The following KHDRBS2 variants were observed in gnomAD, a reference collection of about 807,000 sequenced individuals.
KHDRBS2 encodes KH domain-containing, RNA-binding, signal transduction-associated protein 2.
A neutral mutation model predicts 44.3 loss-of-function variants in KHDRBS2; 26 were observed. That is an observed-to-expected ratio of 0.59 (90% CI 0.43 to 0.81). The LOEUF (loss-of-function observed/expected upper bound fraction) is 0.81. KHDRBS2 is among the 40% of genes least tolerant of loss of function. The probability of loss-of-function intolerance (pLI) is 0.00; values close to 1 mark genes in which losing one functional copy is unlikely to be tolerated. For missense variants in KHDRBS2, 476 were observed against 433.1 expected (o/e 1.10, Z -0.88); for synonymous variants, 194 against 151.1 (o/e 1.28, Z -2.08).
chr6:61,646,981 G>A, the KHDRBS2 span, among the ~76,000 whole-genome samples: 2 of 151,794 alleles, frequency 1.3e-5, no homozygotes, highest in Non-Finnish European at 2.9e-5. Context: ...CACCATGCCC[G>A]GCTAATTTTT....
chr6:61,776,730 C>T (rs987237817), intron 6 of KHDRBS2, among the ~76,000 whole-genome samples: 5 of 152,034 alleles, frequency 3.3e-5, no homozygotes, highest in African/African-American at 9.7e-5. Context: ...GTCAGTGTGG[C>T]GATTTCTCAG....
chr6:62,020,536 G>C (rs942427756), intron 3 of KHDRBS2, among the ~76,000 whole-genome samples: 14 of 151,948 alleles, frequency 9.2e-5, no homozygotes, highest in Non-Finnish European at 2.1e-4. Flanking sequence ...TTTACTGATG[G>C]AGGGCATTTC....
chr6:62,252,293 C>T (rs1358905375), intron 1 of KHDRBS2, among the ~76,000 whole-genome samples: 1 of 151,886 alleles, frequency 6.6e-6, no homozygotes, highest in Non-Finnish European at 1.5e-5. Context: ...ATCAACATGC[C>T]AGCCAGCATC....
At chr6:62,075,220 C>T (rs1349187221) in intron 2 of KHDRBS2, among the ~76,000 whole-genome samples, 1 of 151,774 alleles carries the variant, frequency 6.6e-6, no homozygotes, top group Non-Finnish European at 1.5e-5. Context: ...GATCAGGTCA[C>T]GAGGGACACA....
At chr6:61,922,197 C>A (rs76402155) in intron 4 of KHDRBS2, among the ~76,000 whole-genome samples, 10,205 of 151,768 alleles carry the variant, frequency 0.067, 411 homozygotes, top group Middle Eastern at 0.13. Context: ...CTGAGTCAAG[C>A]AAAAAAGTGG....
intron 7 of KHDRBS2, among the ~76,000 whole-genome samples, chr6:61,720,525 C>T (rs940068636): frequency 2.1e-4 from 32 of 152,102 alleles, no homozygotes; most frequent in Non-Finnish European, 2.4e-4. Flanking sequence ...TCTCTGATGG[C>T]CAGTGATGGT....
chr6:61,602,489 G>A, the KHDRBS2 span, among the ~76,000 whole-genome samples: 1 of 152,088 alleles, frequency 6.6e-6, no homozygotes. Context: ...AACTCACCTG[G>A]CAGCCACTCC....
At chr6:61,965,596 A>C (rs902272030) in intron 4 of KHDRBS2, among the ~76,000 whole-genome samples, 26 of 152,010 alleles carry the variant, frequency 1.7e-4, no homozygotes, top group African/African-American at 5.8e-4. Flanking sequence ...TATTCTAAGA[A>C]GAGTCACTCT....
intron 2 of KHDRBS2, among the ~76,000 whole-genome samples, chr6:62,091,811 T>A (rs1004203084): frequency 6.6e-6 from 1 of 152,208 alleles, no homozygotes; most frequent in African/African-American, 2.4e-5. Context: ...TACTGTTGTT[T>A]GTTGAACTAT....
At chr6:61,555,315 C>G in the KHDRBS2 span, among the ~76,000 whole-genome samples, 2 of 152,068 alleles carry the variant, frequency 1.3e-5, no homozygotes, top group African/African-American at 4.8e-5. Flanking sequence ...ATACTTGCAA[C>G]CGTATTCTGA....
At chr6:61,577,617 C>G in the KHDRBS2 span, among the ~76,000 whole-genome samples, 2 of 152,004 alleles carry the variant, frequency 1.3e-5, no homozygotes, top group Non-Finnish European at 2.9e-5. Flanking sequence ...CAAATTATGA[C>G]TTTTCAGCAA....
At chr6:62,255,352 T>C (rs1353345914) in intron 1 of KHDRBS2, among the ~76,000 whole-genome samples, 4 of 152,048 alleles carry the variant, frequency 2.6e-5, no homozygotes, top group African/African-American at 7.2e-5. Context: ...TTATTTTGAT[T>C]GGATGCTAAA....
chr6:62,049,737 A>T (rs1788561193), intron 2 of KHDRBS2, among the ~76,000 whole-genome samples: 1 of 151,890 alleles, frequency 6.6e-6, no homozygotes, highest in Non-Finnish European at 1.5e-5. Flanking sequence ...CATTCTGTTG[A>T]TAGTACCATC....
chr6:61,663,500 C>CATATATATATATACATATATATATATAT, the KHDRBS2 span, among the ~76,000 whole-genome samples: 1 of 35,970 alleles, frequency 2.8e-5, no homozygotes. Flanking sequence ...CATGAGACAC[C>CATATATATATATACATATATATATATAT]ATATATATAT....
intron 3 of KHDRBS2, among the ~76,000 whole-genome samples, chr6:61,979,720 T>C (rs1773449141): frequency 6.6e-6 from 1 of 152,118 alleles, no homozygotes; most frequent in Admixed American, 6.6e-5. Context: ...CAATTATCAG[T>C]TTGGGGAGGA....
chr6:61,571,385 T>C, the KHDRBS2 span, among the ~76,000 whole-genome samples: 1 of 152,078 alleles, frequency 6.6e-6, no homozygotes, highest in Non-Finnish European at 1.5e-5. Flanking sequence ...TCTAAATATA[T>C]ATGCACCTAA....
intron 4 of KHDRBS2, among the ~76,000 whole-genome samples, chr6:61,976,790 G>C (rs1772765984): frequency 6.6e-6 from 1 of 152,116 alleles, no homozygotes. Context: ...CAGAGGTCTG[G>C]TCTGAACTAA....
chr6:61,603,564 T>G, the KHDRBS2 span, among the ~76,000 whole-genome samples: 1 of 152,178 alleles, frequency 6.6e-6, no homozygotes, highest in Non-Finnish European at 1.5e-5. Context: ...CAACTTGACC[T>G]TAATGTTTTA....
At chr6:61,756,619 C>T (rs1399770325) in intron 6 of KHDRBS2, among the ~76,000 whole-genome samples, 4 of 152,152 alleles carry the variant, frequency 2.6e-5, no homozygotes, top group Non-Finnish European at 2.9e-5. Context: ...ACCATTCATT[C>T]TCAACTTGTG....
Sources: allele counts gnomAD v4.1 joint callset (sites outside exome capture counted in the v4.1 genomes callset), GRCh38; gene constraint gnomAD v4.1.1; transcripts MANE v1.5; gene names NCBI Gene and HGNC (gene_info 2026-07-23, HGNC 2026-07-21).